Variants in RNF216 observed in about 807,000 individuals in gnomAD.
RNF216 encodes ring finger protein 216.
Under a neutral mutation model 110.8 loss-of-function variants are expected in RNF216, and 72 were observed. That is an observed-to-expected ratio of 0.65 (90% CI 0.54 to 0.79). RNF216 has a LOEUF of 0.79. Ranked by LOEUF, RNF216 falls within the 30% of genes least tolerant of loss-of-function variation. RNF216 has a pLI of 0.00. For missense variants in RNF216, 1,342 were observed against 1,141.2 expected (o/e 1.18, Z -2.54); for synonymous variants, 495 against 407.5 (o/e 1.21, Z -2.59).
chr7:5,723,641 C>T (rs1356739406), intron 8 of RNF216, among the ~76,000 whole-genome samples: 12 of 150,112 alleles, frequency 8.0e-5, no homozygotes, highest in Admixed American at 6.6e-4. Context: ...AGCAAGACTC[C>T]GTCTCAAAAA....
intron 13 of RNF216, among the ~76,000 whole-genome samples, chr7:5,702,290 G>A (rs1266380172): frequency 1.3e-5 from 2 of 152,216 alleles, no homozygotes; most frequent in Admixed American, 1.3e-4. Flanking sequence ...GCCAAGGGGA[G>A]AGGCAGGTGC....
chr7:5,669,177 G>C (rs1014779717), intron 13 of RNF216, among the ~76,000 whole-genome samples: 1 of 152,308 alleles, frequency 6.6e-6, no homozygotes, highest in East Asian at 1.9e-4. Flanking sequence ...GAATATGGGC[G>C]GTCGGGCTCC....
At chr7:5,674,761 C>A (rs537572545) in intron 13 of RNF216, among the ~76,000 whole-genome samples, 11 of 152,002 alleles carry the variant, frequency 7.2e-5, no homozygotes, top group Non-Finnish European at 1.3e-4. Flanking sequence ...TCTAGGAGGC[C>A]GAGGTTGGCA....
intron 15 of RNF216, among the ~76,000 whole-genome samples, chr7:5,638,365 T>C (rs573652669): frequency 1.4e-4 from 21 of 152,332 alleles, no homozygotes; most frequent in African/African-American, 4.6e-4. Flanking sequence ...GTGAACAGTG[T>C]TGCAGACAGA....
intron 13 of RNF216, among the ~76,000 whole-genome samples, chr7:5,693,614 A>G (rs920690934): frequency 1.3e-5 from 2 of 152,326 alleles, no homozygotes; most frequent in Non-Finnish European, 2.9e-5. Flanking sequence ...AACCTCCCCA[A>G]GTGTCAATTC....
At chr7:5,758,427 T>C (rs1795759050) in intron 2 of RNF216, among the ~76,000 whole-genome samples, 1 of 152,240 alleles carries the variant, frequency 6.6e-6, no homozygotes, top group South Asian at 2.1e-4. Context: ...TTAAATGCTC[T>C]GAAAGCCAAA....
At position 5,716,741 on chromosome 7, in the gene RNF216, T is replaced by C. The variant is rs756179563; in HGVS notation, c.1670A>G (p.Gln557Arg). The C allele has an allele frequency of 1.3e-5, 21 of 1,607,640 alleles. 1 individual carries two copies. In the South Asian group the frequency reaches 2.0e-4, roughly 15 times the overall value. Residue 557 changes from glutamine (Q) to arginine (R), a missense_variant, in exon 10 of 17, where the codon CAG becomes CGG. Gln to Arg is a conservative substitution (Grantham distance 43). Coordinates refer to ENST00000389902, the MANE Select transcript of RNF216 (RefSeq NM_207111.4). The stretch of plus-strand genomic sequence containing the variant: ...CTTTTGATACTGTTCTTCATTCATC[T>C]GTAGGGCAAGCAAAAAGTCTTCATG... ...AEHEDFLLALQMNEEQYQKDG... is the reference protein window; with the variant it reads ...AEHEDFLLALRMNEEQYQKDG...
intron 13 of RNF216, among the ~76,000 whole-genome samples, chr7:5,672,718 G>C (rs1006009724): frequency 1.3e-5 from 2 of 152,138 alleles, no homozygotes; most frequent in East Asian, 3.9e-4. Flanking sequence ...CTGGAACAGA[G>C]AAGGCCAGTG....
intron 14 of RNF216, among the ~76,000 whole-genome samples, chr7:5,643,836 C>T (rs1043475651): frequency 5.9e-5 from 9 of 152,114 alleles, no homozygotes; most frequent in African/African-American, 2.2e-4. Context: ...AGGCATTCCC[C>T]ATTCCTCCTT....
chr7:5,726,585 C>T (rs1206205674), intron 7 of RNF216, among the ~76,000 whole-genome samples: 2 of 152,110 alleles, frequency 1.3e-5, no homozygotes, highest in Non-Finnish European at 2.9e-5. Flanking sequence ...AGGGTGGGCG[C>T]GGTGGCTCAC....
At chr7:5,715,215 T>C (rs377482457) in intron 10 of RNF216, 25 bp from the exon 11 acceptor site, 113 of 1,607,724 alleles carry the variant, frequency 7.0e-5, no homozygotes, top group Non-Finnish European at 9.0e-5. Context: ...GAAACACACA[T>C]GAAATGTCCT....
At chr7:5,679,147 C>T (rs1790494081) in intron 13 of RNF216, among the ~76,000 whole-genome samples, 1 of 152,198 alleles carries the variant, frequency 6.6e-6, no homozygotes, top group South Asian at 2.1e-4. Context: ...GTCATTTAAT[C>T]CTCCTAACAG....
chr7:5,652,546 G>T (rs759033084), intron 13 of RNF216, 36 bp from the exon 14 acceptor site: 2 of 1,370,846 alleles, frequency 1.5e-6, no homozygotes, highest in Non-Finnish European at 2.1e-6. Flanking sequence ...ACAACTCCTG[G>T]TGAGTGGACA....
At chr7:5,630,770 C>T (rs1562770769) in intron 15 of RNF216, among the ~76,000 whole-genome samples, 1 of 152,164 alleles carries the variant, frequency 6.6e-6, no homozygotes, top group Non-Finnish European at 1.5e-5. Flanking sequence ...ATGCACCAGC[C>T]CCTGTCTACA....
At chr7:5,744,299 G>T (rs752870041) in intron 3 of RNF216, among the ~76,000 whole-genome samples, 2 of 152,180 alleles carry the variant, frequency 1.3e-5, no homozygotes, top group Non-Finnish European at 2.9e-5. Context: ...AGAGAAATTA[G>T]TGCATTGAAA....
chr7:5,745,893 T>TAAAA (rs55943759), intron 3 of RNF216, among the ~76,000 whole-genome samples: 12 of 130,020 alleles, frequency 9.2e-5, no homozygotes, highest in South Asian at 2.5e-4. Context: ...GAGACTGTCT[T>TAAAA]AAAAAAAAAA....
At chr7:5,767,881 G>A (rs1191680885) in intron 1 of RNF216, among the ~76,000 whole-genome samples, 1 of 152,166 alleles carries the variant, frequency 6.6e-6, no homozygotes, top group African/African-American at 2.4e-5. Flanking sequence ...TTACAGGCAT[G>A]AGCCACAACT....
chr7:5,729,632 G>A (rs769034499), intron 6 of RNF216, 36 bp from the exon 7 acceptor site: 10 of 1,562,270 alleles, frequency 6.4e-6, no homozygotes, highest in Admixed American at 5.1e-5. Context: ...CAGAGGCCAG[G>A]CAGTACATTT....
At chr7:5,760,235 G>T (rs952620374) in intron 2 of RNF216, among the ~76,000 whole-genome samples, 5 of 152,178 alleles carry the variant, frequency 3.3e-5, no homozygotes, top group Admixed American at 6.6e-5. Context: ...CTGTAGAACA[G>T]TCTGGGTGCA....
Sources: gnomAD v4.1 joint callset for allele counts (sites outside exome capture counted in the v4.1 genomes callset) on GRCh38, gnomAD v4.1.1 for gene constraint, MANE v1.5 for transcripts, NCBI Gene and HGNC (gene_info 2026-07-23, HGNC 2026-07-21) for gene names.